The following SLCO3A1 variants were observed in gnomAD, a reference collection of about 807,000 sequenced individuals.
The protein encoded by SLCO3A1 is PGE1 transporter.
In SLCO3A1, 27 loss-of-function variants were observed where a neutral mutation model predicts 63.1. The ratio of observed to expected loss-of-function variants is 0.43; its 90% CI spans 0.32 to 0.59. The LOEUF (loss-of-function observed/expected upper bound fraction) is 0.59. Ranked by LOEUF, SLCO3A1 falls within the 20% of genes least tolerant of loss-of-function variation. The pLI is 0.09. For synonymous variants in SLCO3A1, 473 were observed against 409.9 expected, an observed-to-expected ratio of 1.15 and a Z score of -1.86; for missense variants, 773 against 945.8, an observed-to-expected ratio of 0.82 and a Z score of 2.40.
intron 9 of SLCO3A1, among the ~76,000 whole-genome samples, chr15:92,153,997 A>C (rs1324996934): frequency 6.6e-6 from 1 of 152,114 alleles, no homozygotes; most frequent in Admixed American, 6.5e-5. Flanking sequence ...CTGGGAAGCA[A>C]ATGAAAGTTG....
At chr15:92,132,621 A>AC (rs2048009913) in intron 7 of SLCO3A1, among the ~76,000 whole-genome samples, 1 of 143,322 alleles carries the variant, frequency 7.0e-6, no homozygotes, top group African/African-American at 2.5e-5. Flanking sequence ...ATTGAATAGA[A>AC]AAAAAAAAAA....
chr15:92,089,306 G>A (rs944204368), intron 2 of SLCO3A1, among the ~76,000 whole-genome samples: 3 of 152,170 alleles, frequency 2.0e-5, no homozygotes, highest in African/African-American at 4.8e-5. Flanking sequence ...GATTACAGGC[G>A]TGAGCCACCA....
rs533836032 is a variant in SLCO3A1, at chr15:91,991,895, G to T, written c.646+75437G>T. 4.6e-5 allele frequency among the ~76,000 whole-genome samples: 7 copies of T among 151,826 alleles called. No individual in the cohort carries two copies. In the South Asian group the frequency reaches 8.3e-4, roughly 18 times the overall value. On this transcript the variant is annotated intron_variant, in intron 2 of 9. Transcript: ENST00000318445. ...GTGTAGAGCTAGATAAGTTGAATTG[G>T]GGGTAATCCAAAGTCAAAGATAGTA...
At chr15:91,874,262 C>T (rs928672397) in intron 1 of SLCO3A1, among the ~76,000 whole-genome samples, 3 of 152,116 alleles carry the variant, frequency 2.0e-5, no homozygotes, top group Admixed American at 6.6e-5. Context: ...TGTAGTTGAC[C>T]TCAGGTAACT....
intron 2 of SLCO3A1, among the ~76,000 whole-genome samples, chr15:92,007,704 G>A (rs538394856): frequency 6.6e-6 from 1 of 152,116 alleles, no homozygotes; most frequent in Non-Finnish European, 1.5e-5. Context: ...GAGAGGGCGT[G>A]GAGGAAGGAA....
At position 91,886,364 on chromosome 15, in the gene SLCO3A1, A is replaced by G. The variant is rs1897723837; in HGVS notation, c.181-29629A>G. On this transcript the variant is annotated intron_variant, in intron 1 of 9. Coordinates refer to ENST00000318445, the MANE Select transcript of SLCO3A1 (RefSeq NM_013272.4). This position sits in a 1 kb window ranked among gnomAD's most constrained non-coding sequence, Gnocchi z 4.9. ...TTCCTTCAAGTCCTCCTTTTAGGCA[A>G]GAGCTGCCTCCTATGAGCCCCTGGC... Among the ~76,000 whole-genome samples, 1 of 152,166 alleles carries G rather than the reference A, an allele frequency of 6.6e-6. No individual in the cohort carries two copies. Among genetic ancestry groups the G allele is most frequent in the African/African-American group, 2.4e-5 (1 of 41,444 alleles).
chr15:92,051,050 T>C (rs67416641), intron 2 of SLCO3A1, among the ~76,000 whole-genome samples: 25,823 of 152,198 alleles, frequency 0.17, 2,349 homozygotes, highest in African/African-American at 0.24. Context: ...CCCACGTCAC[T>C]CTGTCACATA....
intron 2 of SLCO3A1, among the ~76,000 whole-genome samples, chr15:92,072,326 G>A (rs2047226594): frequency 6.7e-6 from 1 of 149,802 alleles, no homozygotes; most frequent in African/African-American, 2.5e-5. Context: ...TTCTTTTTTG[G>A]TGGTTGTTGT....
At chr15:91,975,714 C>G (rs1247846360) in intron 2 of SLCO3A1, among the ~76,000 whole-genome samples, 2 of 152,214 alleles carry the variant, frequency 1.3e-5, no homozygotes, top group Non-Finnish European at 2.9e-5. Context: ...CTCCTCCTTC[C>G]TACGCCTCCA....
At position 91,941,302 on chromosome 15, in the gene SLCO3A1, G is replaced by A. The variant is rs147050453; in HGVS notation, c.646+24844G>A. ...GGGCAGGGCGGGGCTCGGCTGGGGG[G>A]TGGGAGAGAGACACTGAATCAGTGC... is the stretch of plus-strand genomic sequence containing the variant. On this transcript the variant is annotated intron_variant, in intron 2 of 9. Transcript: ENST00000318445. This position sits in a 1 kb window ranked among gnomAD's most constrained non-coding sequence, Gnocchi z 4.4. 3.7e-6 allele frequency: 1 copy of A among 268,800 alleles called. No individual in the cohort carries two copies. Among genetic ancestry groups the A allele is most frequent in the Non-Finnish European group, 7.5e-6 (1 of 134,024 alleles). 16.7% of individuals were successfully genotyped at this position (268,800 alleles called of 1,614,324 possible).
intron 4 of SLCO3A1, among the ~76,000 whole-genome samples, chr15:92,106,994 T>G (rs923954150): frequency 6.6e-6 from 1 of 152,184 alleles, no homozygotes; most frequent in Non-Finnish European, 1.5e-5. Context: ...TTGACTAAAT[T>G]GACTTATATT....
chr15:91,884,116 A>T (rs1378369707), intron 1 of SLCO3A1, among the ~76,000 whole-genome samples: 1 of 152,234 alleles, frequency 6.6e-6, no homozygotes, highest in Non-Finnish European at 1.5e-5. Flanking sequence ...AGATAGGTAC[A>T]CGTATTATCT....
At chr15:91,922,847 G>T (rs961172853) in intron 2 of SLCO3A1, among the ~76,000 whole-genome samples, 6 of 152,156 alleles carry the variant, frequency 3.9e-5, no homozygotes, top group African/African-American at 1.4e-4. Flanking sequence ...CCAGCTGCTG[G>T]TCGCATGCCA....
intron 7 of SLCO3A1, among the ~76,000 whole-genome samples, chr15:92,138,114 T>C (rs200137620): frequency 0.16 from 13,653 of 83,898 alleles, 1,662 homozygotes; most frequent in African/African-American, 0.22. Flanking sequence ...TTAGGTCTAA[T>C]GTTTAAGTCT....
chr15:91,943,861 C>T (rs1899707727), intron 2 of SLCO3A1, among the ~76,000 whole-genome samples: 1 of 152,188 alleles, frequency 6.6e-6, no homozygotes, highest in Admixed American at 6.5e-5. Context: ...TTCCAATGAC[C>T]TGGTTCCCTC....
chr15:91,971,252 G>T (rs982643266), intron 2 of SLCO3A1, among the ~76,000 whole-genome samples: 1 of 151,680 alleles, frequency 6.6e-6, no homozygotes, highest in Non-Finnish European at 1.5e-5. Context: ...AAAATTAGCC[G>T]AGCATGGTGG....
chr15:92,033,530 C>T lies in SLCO3A1; in HGVS notation c.647-61351C>T, dbSNP rs997130158. On this transcript the variant is annotated intron_variant, in intron 2 of 9. Transcript: ENST00000318445. The surrounding 1 kb of genome is among the most constrained non-coding windows in gnomAD (Gnocchi z 4.5). The stretch of plus-strand genomic sequence containing the variant: ...AGAACGAGGGAGGAGCAGAGGGTGA[C>T]TTCCAGCTGGGACTGGCATGTGTTC... Among the ~76,000 whole-genome samples, 2 of 152,174 alleles carry T rather than the reference C, an allele frequency of 1.3e-5. No individual in the cohort carries two copies. The highest frequency in any genetic ancestry group is 2.9e-5 in the Non-Finnish European group (2 of 68,032).
At chr15:91,911,742 T>C (rs988373803) in intron 1 of SLCO3A1, among the ~76,000 whole-genome samples, 1 of 152,128 alleles carries the variant, frequency 6.6e-6, no homozygotes, top group Non-Finnish European at 1.5e-5. Context: ...TTCTCCTGCC[T>C]CAGCCTCCAG....
intron 2 of SLCO3A1, among the ~76,000 whole-genome samples, chr15:91,979,526 T>G (rs1462229276): frequency 6.6e-6 from 1 of 152,194 alleles, no homozygotes; most frequent in Non-Finnish European, 1.5e-5. Flanking sequence ...AGAACCTTTC[T>G]TCTTTCTACC....
Sources: gnomAD v4.1 joint callset for allele counts (sites outside exome capture counted in the v4.1 genomes callset) on GRCh38, gnomAD v4.1.1 for gene constraint, Gnocchi (gnomAD v3.1) non-coding constraint, MANE v1.5 for transcripts, NCBI Gene and HGNC (gene_info 2026-07-23, HGNC 2026-07-21) for gene names.